The following AVEN variants were observed in gnomAD, a reference collection of about 807,000 sequenced individuals.
The protein encoded by AVEN is apoptosis and caspase activation inhibitor, also known as cell death regulator Aven.
AVEN carries 41 observed loss-of-function variants against 38.1 expected under a neutral mutation model. That is an observed-to-expected ratio of 1.08 (90% CI 0.84 to 1.40). AVEN has a LOEUF of 1.40. Among genes scored for constraint, AVEN ranks in the 40% most tolerant of loss-of-function variants. AVEN has a pLI of 0.00. For synonymous variants in AVEN, 206 were observed against 171.8 expected (o/e 1.20, Z -1.56); for missense variants, 605 against 438.8 (o/e 1.38, Z -3.38).
At chr15:34,061,570 A>G (rs1444751105) in intron 5 of AVEN, among the ~76,000 whole-genome samples, 2 of 152,172 alleles carry the variant, frequency 1.3e-5, no homozygotes, top group African/African-American at 4.8e-5. Flanking sequence ...TATACACTAA[A>G]CTGTTAGCAT....
At chr15:33,897,490 G>A (rs1234085403) in intron 2 of AVEN, among the ~76,000 whole-genome samples, 1 of 151,972 alleles carries the variant, frequency 6.6e-6, no homozygotes, top group East Asian at 2.0e-4. Flanking sequence ...GGCTGGTCTT[G>A]AACCCCTGAC....
upstream of AVEN, among the ~76,000 whole-genome samples, chr15:34,041,785 T>C (rs1899485145): frequency 6.6e-6 from 1 of 152,174 alleles, no homozygotes; most frequent in Non-Finnish European, 1.5e-5. Context: ...ATTTTACAGA[T>C]AAGAAAACTG....
chr15:33,926,166 T>C (rs1181993455), intron 2 of AVEN, among the ~76,000 whole-genome samples: 2 of 152,184 alleles, frequency 1.3e-5, no homozygotes, highest in African/African-American at 4.8e-5. Flanking sequence ...GAAAACACAG[T>C]GCAATTAAGC....
intron 2 of AVEN, among the ~76,000 whole-genome samples, chr15:33,979,605 C>G (rs533706521): frequency 1.3e-5 from 2 of 152,324 alleles, no homozygotes; most frequent in African/African-American, 4.8e-5. Context: ...CCTTTATGAG[C>G]CTCGGTTTCC....
At chr15:33,919,053 T>TG (rs1464626548) in intron 2 of AVEN, among the ~76,000 whole-genome samples, 1 of 151,796 alleles carries the variant, frequency 6.6e-6, no homozygotes, top group African/African-American at 2.4e-5. Flanking sequence ...CCCGAGTAGC[T>TG]GGGATTACAG....
intron 2 of AVEN, among the ~76,000 whole-genome samples, chr15:33,935,355 C>T (rs1237109202): frequency 6.6e-6 from 1 of 152,024 alleles, no homozygotes; most frequent in African/African-American, 2.4e-5. Flanking sequence ...TGCAATAGTC[C>T]CAAACTGGAG....
rs74858159 is a variant in AVEN, at chr15:33,944,059, T to C, written c.445+58973A>G. 2.6e-5 allele frequency among the ~76,000 whole-genome samples: 4 copies of C among 152,098 alleles called. No individual in the cohort carries two copies. In the East Asian group the frequency reaches 7.7e-4, roughly 29 times the overall value. On this transcript the variant is annotated intron_variant, in intron 2 of 5. Coordinates refer to ENST00000306730, the MANE Select transcript of AVEN (RefSeq NM_020371.3). ...TAGTCACAATTTTTAAAAATGTTTT[T>C]GATTAATTCATTTGTCTCAACTCTT...
intron 2 of AVEN, among the ~76,000 whole-genome samples, chr15:33,986,526 AAAG>A (rs2140549659): frequency 6.6e-6 from 1 of 152,318 alleles, no homozygotes; most frequent in East Asian, 1.9e-4. Flanking sequence ...AGTAAGAGGT[AAAG>A]AAAGCAAGCT....
rs1277097509 is a variant in AVEN, at chr15:33,870,887, T to G, written c.612+48A>C. 5 of 1,411,582 alleles carry G rather than the reference T, an allele frequency of 3.5e-6. No individual in the cohort carries two copies. In the Admixed American group the frequency reaches 5.5e-5, roughly 16 times the overall value. 87.4% of individuals were successfully genotyped at this position (1,411,582 alleles called of 1,614,324 possible). A position where few individuals can be genotyped will look rare whatever the true frequency, so the allele number is the denominator to read the frequency against. The stretch of plus-strand genomic sequence containing the variant: ...TGAGGGAAGTGTTCCCCTCTTTTTC[T>G]CCTCCTGCCCTAATCCACCCGCTTC... On this transcript the variant is annotated intron_variant, in intron 4 of 5. Coordinates refer to ENST00000306730, the MANE Select transcript of AVEN (RefSeq NM_020371.3).
chr15:33,865,307 ATCTGAAATGTGACATT>A, downstream of AVEN: 1 of 918,832 alleles, frequency 1.1e-6, no homozygotes. Context: ...TCTGCAACAT[ATCTGAAATGTGACATT>A]TTCTAAATGC....
chr15:33,927,792 T>C (rs11633652), intron 2 of AVEN, among the ~76,000 whole-genome samples: 36,379 of 152,238 alleles, frequency 0.24, 4,680 homozygotes, highest in Middle Eastern at 0.38. Context: ...CTTTTCCTCA[T>C]GTAGGGTGGC....
rs1482207132 is a variant in AVEN, at chr15:34,063,155, G to T, written n.1404C>A. 6.2e-7 allele frequency: 1 copy of T among 1,613,986 alleles called. No homozygotes were observed. The highest frequency in any genetic ancestry group is 8.5e-7 in the Non-Finnish European group (1 of 1,180,038). ...ATCGGGCCAAGCGTACTCCGAAAAG[G>T]GCTGGCATCATGATTGGCTTGGCCT... On this transcript the variant is annotated non_coding_transcript_exon_variant, in exon 5 of 12. Coordinates refer to the AVEN transcript ENST00000675287. This position sits in a 1 kb window ranked among gnomAD's most constrained non-coding sequence, Gnocchi z 4.1.
chr15:33,943,287 A>G (rs1894384141), intron 2 of AVEN, among the ~76,000 whole-genome samples: 1 of 152,274 alleles, frequency 6.6e-6, no homozygotes, highest in Admixed American at 6.5e-5. Flanking sequence ...AAGGAAGGAA[A>G]TCCTGTCACA....
At chr15:33,905,108 C>T (rs1316540566) in intron 2 of AVEN, among the ~76,000 whole-genome samples, 5 of 131,712 alleles carry the variant, frequency 3.8e-5, no homozygotes, top group African/African-American at 9.2e-5. Context: ...CCAGCCTGGG[C>T]GACAGAGCAA....
exon 1 of AVEN, among the ~76,000 whole-genome samples, chr15:34,074,969 G>C (rs940546703): frequency 6.6e-6 from 1 of 152,010 alleles, no homozygotes; most frequent in Non-Finnish European, 1.5e-5. Context: ...ATGAGGTCAG[G>C]AGATCGAGAC....
intron 1 of AVEN, 31 bp downstream of exon 1, chr15:34,038,749 G>C: frequency 8.7e-7 from 1 of 1,149,600 alleles, no homozygotes; most frequent in Non-Finnish European, 1.1e-6. Flanking sequence ...AGTTACACGC[G>C]GTCCCAGCCC....
intron 2 of AVEN, among the ~76,000 whole-genome samples, chr15:33,886,973 G>A (rs4780189): frequency 0.91 from 138,106 of 152,252 alleles, 62,712 homozygotes; most frequent in East Asian, 0.99. Context: ...TTGAAGAAAA[G>A]GGGGCAGAAG....
At chr15:33,932,060 A>G (rs1893871769) in intron 2 of AVEN, among the ~76,000 whole-genome samples, 1 of 152,222 alleles carries the variant, frequency 6.6e-6, no homozygotes, top group Non-Finnish European at 1.5e-5. Context: ...CCAGCATGTA[A>G]AAGTCAGAAA....
chr15:33,857,925 A>G, downstream of AVEN: 1 of 1,380,476 alleles, frequency 7.2e-7, no homozygotes, highest in Non-Finnish European at 9.6e-7. Flanking sequence ...GTGAGAGCCC[A>G]CCCACTGCGG....
Sources: gnomAD v4.1 joint callset for allele counts (sites outside exome capture counted in the v4.1 genomes callset) on GRCh38, gnomAD v4.1.1 for gene constraint, Gnocchi (gnomAD v3.1) non-coding constraint, MANE v1.5 for transcripts, NCBI Gene and HGNC (gene_info 2026-07-23, HGNC 2026-07-21) for gene names.